AP4E1: variants seen among roughly 807,000 people sequenced by gnomAD.
AP4E1 encodes adaptor related protein complex 4 subunit epsilon 1.
In AP4E1, 56 loss-of-function variants were observed where a neutral mutation model predicts 128.2. That is an observed-to-expected ratio of 0.44 (90% CI 0.35 to 0.55). The LOEUF (loss-of-function observed/expected upper bound fraction) is 0.55. Among genes scored for constraint, AP4E1 ranks in the 20% least tolerant of loss-of-function variants. The probability of loss-of-function intolerance (pLI) is 0.00; values close to 1 mark genes in which losing one functional copy is unlikely to be tolerated. For synonymous variants in AP4E1, 484 were observed against 473.1 expected (o/e 1.02, Z -0.30); for missense variants, 1,324 against 1,307.7 (o/e 1.01, Z -0.19).
At chr15:50,934,562 A>G in intron 7 of AP4E1, 62 bp from the exon 8 acceptor site, 1 of 1,194,192 alleles carries the variant, frequency 8.4e-7, no homozygotes. Context: ...AGAAGTTTGA[A>G]AAACTGTTTT....
intron 16 of AP4E1, among the ~76,000 whole-genome samples, chr15:50,985,672 C>G (rs979766158): frequency 6.6e-6 from 1 of 152,034 alleles, no homozygotes; most frequent in Non-Finnish European, 1.5e-5. Flanking sequence ...TGGTCTATAT[C>G]TCTGTTTTGG....
Position 50,921,593 on chromosome 15 carries a change from C to T in AP4E1, c.347-2338C>T, listed in dbSNP as rs1001920348. Among the ~76,000 whole-genome samples the T allele has an allele frequency of 1.6e-4, 25 of 151,858 alleles. No homozygotes were observed. The South Asian group carries it at 1.9e-3, about 11-fold the overall frequency. On this transcript the variant is annotated intron_variant, in intron 3 of 20. Coordinates refer to ENST00000261842, the MANE Select transcript of AP4E1 (RefSeq NM_007347.5). ...TTCAAACTCCTGACTTCGAGTGATC[C>T]GCCTGCCTCAGCCTCCCAAAGTGCC...
chr15:50,996,281 A>T (rs1480040462), intron 17 of AP4E1, among the ~76,000 whole-genome samples: 1 of 151,174 alleles, frequency 6.6e-6, no homozygotes, highest in African/African-American at 2.4e-5. Flanking sequence ...TACAGATATG[A>T]GTCACCATGC....
chr15:50,924,105 G>T, intron 4 of AP4E1, 101 bp downstream of exon 4: 1 of 990,554 alleles, frequency 1.0e-6, no homozygotes, highest in South Asian at 1.4e-5. Flanking sequence ...AAGAAAGTGG[G>T]CTTGCAGAAT....
chr15:50,973,157 A>T (rs1268768566), intron 15 of AP4E1, among the ~76,000 whole-genome samples: 1 of 152,228 alleles, frequency 6.6e-6, no homozygotes, highest in Admixed American at 6.5e-5. Flanking sequence ...TTATGAGTTC[A>T]GAATGTCAAT....
chr15:50,952,914 T>C (rs2064171064), intron 13 of AP4E1, among the ~76,000 whole-genome samples: 1 of 152,074 alleles, frequency 6.6e-6, no homozygotes, highest in African/African-American at 2.4e-5. Flanking sequence ...TTGGTGATTG[T>C]AAGTTTATAA....
At chr15:50,955,930 G>C (rs1189221491) in intron 13 of AP4E1, among the ~76,000 whole-genome samples, 1 of 152,184 alleles carries the variant, frequency 6.6e-6, no homozygotes, top group Non-Finnish European at 1.5e-5. Flanking sequence ...GTATTTGGCT[G>C]GAGTAGGAGG....
At chr15:50,987,441 GTGCTATAAAT>G (rs1467880796) in intron 16 of AP4E1, among the ~76,000 whole-genome samples, 1 of 152,152 alleles carries the variant, frequency 6.6e-6, no homozygotes, top group African/African-American at 2.4e-5. Flanking sequence ...TGGGCATTTA[GTGCTATAAAT>G]TTCCCTCTAC....
intron 15 of AP4E1, among the ~76,000 whole-genome samples, chr15:50,972,883 C>G (rs2064500462): frequency 6.6e-6 from 1 of 152,200 alleles, no homozygotes; most frequent in African/African-American, 2.4e-5. Context: ...GGATGTTTCT[C>G]TCACACAGGA....
At chr15:50,999,352 C>T (rs2140937068) in intron 19 of AP4E1, 90 bp downstream of exon 19, 1 of 1,142,912 alleles carries the variant, frequency 8.7e-7, no homozygotes, top group East Asian at 2.5e-5. Flanking sequence ...ATGTTGGGTG[C>T]TAGGGAGTAT....
chr15:50,926,065 T>C (rs16963985), intron 5 of AP4E1, among the ~76,000 whole-genome samples: 1 of 151,994 alleles, frequency 6.6e-6, no homozygotes, highest in African/African-American at 2.4e-5. Context: ...CAGACTGACT[T>C]ACTTTTCACT....
intron 5 of AP4E1, among the ~76,000 whole-genome samples, chr15:50,927,045 A>G (rs55940433): frequency 0.018 from 2,813 of 152,322 alleles, 107 homozygotes; most frequent in African/African-American, 0.064. Context: ...TGGACAATTA[A>G]TTATTGGAAA....
chr15:51,001,327 T>G (rs929312675), intron 20 of AP4E1, 144 bp downstream of exon 20: 4 of 763,562 alleles, frequency 5.2e-6, no homozygotes, highest in Non-Finnish European at 8.2e-6. Context: ...TTTTTCAGAC[T>G]GTATTAAATA....
chr15:50,952,277 G>A (rs1436968529), intron 13 of AP4E1, among the ~76,000 whole-genome samples: 1 of 151,996 alleles, frequency 6.6e-6, no homozygotes, highest in Non-Finnish European at 1.5e-5. Context: ...TTGGGATGCC[G>A]AGGTGGGTGG....
Position 50,942,644 on chromosome 15 carries a change from TATA to T in AP4E1, c.1176+873_1176+875del, listed in dbSNP as rs530630508. Among the ~76,000 whole-genome samples the T allele has an allele frequency of 5.3e-3, 789 of 148,572 alleles. 11 individuals are homozygous for T. Among genetic ancestry groups the T allele is most frequent in the African/African-American group, 0.019 (764 of 40,956 alleles). On this transcript the variant is annotated intron_variant, in intron 10 of 20. Transcript: ENST00000261842. ...TAGCATATACTATATGTTACTTATA[TATA>T]ATATTACTTTTGTATATTACATTTT... is the stretch of plus-strand genomic sequence containing the variant.
At chr15:50,968,472 T>C in intron 15 of AP4E1, 95 bp downstream of exon 15, 1 of 941,866 alleles carries the variant, frequency 1.1e-6, no homozygotes, top group Admixed American at 2.1e-5. Context: ...ATTTACTTTC[T>C]ATTATTTCTC....
intron 5 of AP4E1, 74 bp downstream of exon 5, chr15:50,925,293 A>G: frequency 6.8e-7 from 1 of 1,465,458 alleles, no homozygotes; most frequent in East Asian, 2.3e-5. Context: ...AAAATTTATT[A>G]CAACTTCAGT....
intron 14 of AP4E1, among the ~76,000 whole-genome samples, chr15:50,965,732 C>T (rs1200219791): frequency 6.6e-6 from 1 of 151,814 alleles, no homozygotes; most frequent in Non-Finnish European, 1.5e-5. Flanking sequence ...TTTGAGAATC[C>T]AAAAAAGTGG....
intron 1 of AP4E1, among the ~76,000 whole-genome samples, chr15:50,909,675 G>A (rs1304455032): frequency 6.6e-6 from 1 of 151,916 alleles, no homozygotes; most frequent in African/African-American, 2.4e-5. Flanking sequence ...GAGCCTTAAG[G>A]TTTTAAAAAT....
Sources: allele counts gnomAD v4.1 joint callset (sites outside exome capture counted in the v4.1 genomes callset), GRCh38; gene constraint gnomAD v4.1.1; transcripts MANE v1.5; gene names NCBI Gene and HGNC (gene_info 2026-07-23, HGNC 2026-07-21).